The following TASP1 variants were observed in gnomAD, a reference collection of about 807,000 sequenced individuals.
TASP1 encodes the protein threonine aspartase 1.
A neutral mutation model predicts 56.6 loss-of-function variants in TASP1; 16 were observed. That is an observed-to-expected ratio of 0.28 (90% CI 0.19 to 0.43). TASP1 has a LOEUF of 0.43. TASP1 is among the 20% of genes least tolerant of loss of function. The probability of loss-of-function intolerance (pLI) is 1.00; values close to 1 mark genes in which losing one functional copy is unlikely to be tolerated. For synonymous variants in TASP1, 179 were observed against 184.2 expected, an observed-to-expected ratio of 0.97 and a Z score of 0.23; for missense variants, 393 against 511.6, an observed-to-expected ratio of 0.77 and a Z score of 2.24.
At chr20:13,599,291 A>G (rs898793203) in intron 4 of TASP1, among the ~76,000 whole-genome samples, 3 of 152,340 alleles carry the variant, frequency 2.0e-5, no homozygotes, top group African/African-American at 2.4e-5. Context: ...ACATCCATCA[A>G]TGATAGACTG....
At chr20:13,484,701 A>C (rs1307191702) in intron 10 of TASP1, among the ~76,000 whole-genome samples, 3 of 149,218 alleles carry the variant, frequency 2.0e-5, no homozygotes, top group African/African-American at 7.5e-5. Flanking sequence ...GAGCCATTGC[A>C]CTCAAGCCTG....
intron 8 of TASP1, among the ~76,000 whole-genome samples, chr20:13,556,577 G>C (rs992403192): frequency 3.9e-5 from 6 of 152,138 alleles, no homozygotes; most frequent in African/African-American, 1.4e-4. Flanking sequence ...TGATCTACCA[G>C]GTCCTAAAGG....
chr20:13,278,944 A>G, the TASP1 span, among the ~76,000 whole-genome samples: 1 of 152,194 alleles, frequency 6.6e-6, no homozygotes, highest in African/African-American at 2.4e-5. Context: ...TAGCGGTTAG[A>G]ACATTCCAAG....
At chr20:13,174,041 T>G in the TASP1 span, among the ~76,000 whole-genome samples, 1 of 152,172 alleles carries the variant, frequency 6.6e-6, no homozygotes, top group African/African-American at 2.4e-5. Context: ...AAAATAACAG[T>G]GTGCACAACA....
the TASP1 span, among the ~76,000 whole-genome samples, chr20:13,243,534 G>T: frequency 6.6e-6 from 1 of 152,110 alleles, no homozygotes; most frequent in East Asian, 1.9e-4. Context: ...TGTCCTCTTA[G>T]CTGTTTGTCT....
chr20:13,610,482 C>A (rs937178045), intron 4 of TASP1, among the ~76,000 whole-genome samples: 6 of 152,004 alleles, frequency 3.9e-5, no homozygotes, highest in African/African-American at 1.4e-4. Flanking sequence ...CATGTTCACT[C>A]TGAAAAAAAT....
Position 13,466,286 on chromosome 20 carries a change from A to G in TASP1, c.985+16941T>C, listed in dbSNP as rs748459787. On this transcript the variant is annotated intron_variant, in intron 11 of 13. Transcript: ENST00000337743. Reference sequence around the variant, plus strand: ...AAATAAGCTAATAAAGTATATATTAAAAACTCACAAAAACGTGTGAAATCT... The same window carrying G: ...AAATAAGCTAATAAAGTATATATTAGAAACTCACAAAAACGTGTGAAATCT... Among the ~76,000 whole-genome samples, 41 of 152,200 alleles carry G rather than the reference A, an allele frequency of 2.7e-4. 1 individual carries two copies. The highest frequency in any genetic ancestry group is 6.5e-4 in the Admixed American group (10 of 15,278).
the TASP1 span, among the ~76,000 whole-genome samples, chr20:13,320,374 TGTGCTTG>T: frequency 1.0e-3 from 155 of 152,342 alleles, no homozygotes; most frequent in Non-Finnish European, 1.9e-3. Context: ...GACTTCACAC[TGTGCTTG>T]CAAACCAAAG....
At chr20:13,635,223 G>C (rs2049258736) in intron 1 of TASP1, among the ~76,000 whole-genome samples, 1 of 151,848 alleles carries the variant, frequency 6.6e-6, no homozygotes, top group East Asian at 1.9e-4. Flanking sequence ...CCCATAAATT[G>C]TATCTTTCCC....
chr20:13,632,900 C>A (rs2049150682), intron 1 of TASP1, among the ~76,000 whole-genome samples: 1 of 152,068 alleles, frequency 6.6e-6, no homozygotes, highest in Non-Finnish European at 1.5e-5. Context: ...ATAGCTTAAC[C>A]AGACAAAAAA....
At chr20:13,167,853 A>G in the TASP1 span, 1 of 152,190 alleles carries the variant, frequency 6.6e-6, no homozygotes, top group Admixed American at 6.5e-5. Flanking sequence ...CGTGATTCTA[A>G]TCTATGCCAA....
chr20:13,212,181 G>A, the TASP1 span, among the ~76,000 whole-genome samples: 99 of 152,178 alleles, frequency 6.5e-4, no homozygotes, highest in Middle Eastern at 3.4e-3. Flanking sequence ...CTGGTCAATG[G>A]CAAGTGATCT....
Position 13,540,660 on chromosome 20 carries a change from C to T in TASP1, c.676-6519G>A, listed in dbSNP as rs879551460. On this transcript the variant is annotated intron_variant, in intron 8 of 13. Coordinates refer to ENST00000337743, the MANE Select transcript of TASP1 (RefSeq NM_017714.3). ...AAAGAACATATAGACTCCATTTTAACGAACAAGTAAAACTATGGTGAAAAA... is the reference window on the plus strand; with the variant it reads ...AAAGAACATATAGACTCCATTTTAATGAACAAGTAAAACTATGGTGAAAAA... 2.0e-5 allele frequency among the ~76,000 whole-genome samples: 3 copies of T among 152,042 alleles called. No homozygotes were observed. The East Asian group carries it at 5.8e-4, about 29-fold the overall frequency.
intron 7 of TASP1, among the ~76,000 whole-genome samples, chr20:13,565,917 C>A (rs1233792222): frequency 1.3e-5 from 2 of 152,294 alleles, no homozygotes; most frequent in Non-Finnish European, 2.9e-5. Context: ...TAGCATTATG[C>A]ATGACAACCA....
intron 11 of TASP1, among the ~76,000 whole-genome samples, chr20:13,443,459 G>T (rs1017038719): frequency 2.6e-5 from 4 of 152,060 alleles, no homozygotes; most frequent in African/African-American, 4.8e-5. Flanking sequence ...AAAACAAGTG[G>T]ATTAGTAAAG....
At chr20:13,546,262 T>A (rs898698758) in intron 8 of TASP1, among the ~76,000 whole-genome samples, 1 of 142,820 alleles carries the variant, frequency 7.0e-6, no homozygotes, top group Admixed American at 6.9e-5. Flanking sequence ...AAAACACCAA[T>A]CAAAGCCCAT....
chr20:13,565,700 T>TA (rs1386128483), intron 7 of TASP1, among the ~76,000 whole-genome samples: 10 of 152,198 alleles, frequency 6.6e-5, no homozygotes, highest in Non-Finnish European at 1.3e-4. Context: ...AAAGAACAAG[T>TA]ATTGGTAAGG....
the TASP1 span, among the ~76,000 whole-genome samples, chr20:13,182,648 G>T: frequency 6.6e-6 from 1 of 152,102 alleles, no homozygotes; most frequent in Non-Finnish European, 1.5e-5. Context: ...ATTTCTTCCT[G>T]ATTCTCTCCA....
intron 10 of TASP1, among the ~76,000 whole-genome samples, chr20:13,513,034 G>C (rs898413228): frequency 2.0e-5 from 3 of 152,046 alleles, no homozygotes; most frequent in South Asian, 4.2e-4. Context: ...GTCAGGTAGC[G>C]AGATGCCTCC....
Sources: allele counts gnomAD v4.1 joint callset (sites outside exome capture counted in the v4.1 genomes callset), GRCh38; gene constraint gnomAD v4.1.1; transcripts MANE v1.5; gene names NCBI Gene and HGNC (gene_info 2026-07-23, HGNC 2026-07-21).